Variants in ATP10A observed in about 807,000 individuals in gnomAD.
The protein encoded by ATP10A is ATPase phospholipid transporting 10A (putative).
Under a neutral mutation model 147.8 loss-of-function variants are expected in ATP10A, and 111 were observed. That is an observed-to-expected ratio of 0.75 (90% CI 0.64 to 0.88). The LOEUF is 0.88. Among genes scored for constraint, ATP10A ranks in the 40% least tolerant of loss-of-function variants. The probability of loss-of-function intolerance (pLI) is 0.00; values close to 1 mark genes in which losing one functional copy is unlikely to be tolerated. For missense variants in ATP10A, 1,927 were observed against 1,959.0 expected (o/e 0.98, Z 0.31); for synonymous variants, 875 against 841.6 (o/e 1.04, Z -0.69).
rs756744281 is a variant in ATP10A at position 25,680,248 on chromosome 15, T to C, written c.3739A>G (p.Ile1247Val). ...CACGTGGCACAAGACGCATTGTAAA[T>C]CAAAGCCACGGTGAAAAACAAAAGG... ...SVLLFFTVAL[I>V]YNASCATCYP... Residue 1247 changes from isoleucine (I) to valine (V), a missense_variant, in exon 20 of 21, where the codon ATT becomes GTT. Transcript: ENST00000555815. The C allele has an allele frequency of 4.3e-6, 7 of 1,614,004 alleles. No homozygotes were observed. In the South Asian group the frequency reaches 7.7e-5, roughly 18 times the overall value.
intron 1 of ATP10A, among the ~76,000 whole-genome samples, chr15:25,804,282 G>C (rs997914058): frequency 6.6e-6 from 1 of 150,804 alleles, no homozygotes; most frequent in African/African-American, 2.4e-5. Context: ...ATGGATGTGA[G>C]TGTGTGGTGT....
chr15:25,749,060 C>CAAAA (rs1171259548), intron 2 of ATP10A, among the ~76,000 whole-genome samples: 10 of 67,458 alleles, frequency 1.5e-4, no homozygotes, highest in African/African-American at 1.8e-4. Flanking sequence ...GAGACTCTGT[C>CAAAA]AAAAAAAAAA....
downstream of ATP10A, chr15:25,677,422 A>G (rs1476360828): frequency 1.3e-5 from 2 of 152,140 alleles, no homozygotes; most frequent in Non-Finnish European, 2.9e-5. Context: ...CCGTTTCCCA[A>G]GAGCAAGCAT....
chr15:25,713,615 G>A (rs1596736971), intron 10 of ATP10A, 59 bp downstream of exon 10: 4 of 1,501,606 alleles, frequency 2.7e-6, no homozygotes, highest in African/African-American at 1.4e-5. Flanking sequence ...ATTGGGTGGG[G>A]ATATTTCTCA....
intron 2 of ATP10A, among the ~76,000 whole-genome samples, chr15:25,759,019 C>T (rs994785294): frequency 5.9e-5 from 9 of 152,224 alleles, no homozygotes; most frequent in African/African-American, 2.2e-4. Flanking sequence ...TTAGCCTGTG[C>T]GATCTAACCC....
At position 25,863,034 on chromosome 15, in the gene ATP10A, C is replaced by A; in HGVS notation, c.63G>T (p.Glu21Asp). 7.8e-7 allele frequency: 1 copy of A among 1,277,466 alleles called. No individual in the cohort carries two copies. Among genetic ancestry groups the A allele is most frequent in the Non-Finnish European group, 9.8e-7 (1 of 1,017,178 alleles). 79.1% of individuals were successfully genotyped at this position (1,277,466 alleles called of 1,614,324 possible). The change falls in exon 1 of 21, where the codon GAG (glutamate) becomes GAT (aspartate). Residue 21 changes from glutamate (E) to aspartate (D), a missense_variant. Coordinates refer to ENST00000555815, the MANE Select transcript of ATP10A (RefSeq NM_024490.4). ...TGGAGCGCACCGTGCGCGTCCTGCCCTCTCGGCGCCTCCGCCGTCCCGGAG... is the reference window on the plus strand; with the variant it reads ...TGGAGCGCACCGTGCGCGTCCTGCCATCTCGGCGCCTCCGCCGTCCCGGAG... Reference protein sequence around the residue: ...PGPPGRRRRREGRTRTVRSNL... With the variant: ...PGPPGRRRRRDGRTRTVRSNL...
chr15:25,726,281 TTATACA>T (rs1336828918), intron 4 of ATP10A, among the ~76,000 whole-genome samples, 199 bp from the exon 5 acceptor site: 1 of 152,170 alleles, frequency 6.6e-6, no homozygotes, highest in Non-Finnish European at 1.5e-5. Flanking sequence ...GAAATTAATC[TTATACA>T]TATATAATGA....
At chr15:25,766,607 T>C (rs1462177739) in intron 2 of ATP10A, among the ~76,000 whole-genome samples, 1 of 151,180 alleles carries the variant, frequency 6.6e-6, no homozygotes, top group Non-Finnish European at 1.5e-5. Context: ...TAATTGGATC[T>C]TCCTGCTGGC....
intron 1 of ATP10A, among the ~76,000 whole-genome samples, chr15:25,816,808 A>C (rs1307682947): frequency 1.3e-5 from 2 of 152,158 alleles, no homozygotes; most frequent in African/African-American, 4.8e-5. Context: ...TCCACTTTTA[A>C]TGTATTATTC....
At chr15:25,748,032 G>C (rs1042801082) in intron 2 of ATP10A, among the ~76,000 whole-genome samples, 35 of 151,580 alleles carry the variant, frequency 2.3e-4, no homozygotes, top group African/African-American at 7.3e-4. Flanking sequence ...TGGCGATCTT[G>C]GCTCACTGCA....
intron 9 of ATP10A, among the ~76,000 whole-genome samples, chr15:25,715,209 C>T (rs1901721971): frequency 6.6e-6 from 1 of 152,184 alleles, no homozygotes; most frequent in Admixed American, 6.5e-5. Flanking sequence ...TGCATAGAGC[C>T]AGATTTTGAT....
intron 1 of ATP10A, among the ~76,000 whole-genome samples, chr15:25,800,452 C>T (rs1890884451): frequency 6.6e-6 from 1 of 152,182 alleles, no homozygotes. Flanking sequence ...AAGTGCCTCT[C>T]CTCTCCTGCC....
chr15:25,821,406 A>AC (rs11406897), intron 1 of ATP10A, among the ~76,000 whole-genome samples: 1 of 120,082 alleles, frequency 8.3e-6, no homozygotes, highest in African/African-American at 4.0e-5. Flanking sequence ...AAACAAAAAA[A>AC]AAAACAAACA....
At chr15:25,751,286 C>A (rs777894929) in intron 2 of ATP10A, among the ~76,000 whole-genome samples, 32 of 152,112 alleles carry the variant, frequency 2.1e-4, no homozygotes, top group African/African-American at 7.7e-4. Flanking sequence ...ACTGATAGAT[C>A]TGCAAAGAGA....
At chr15:25,814,163 C>G (rs1052089071) in intron 1 of ATP10A, among the ~76,000 whole-genome samples, 5 of 151,910 alleles carry the variant, frequency 3.3e-5, no homozygotes, top group African/African-American at 1.2e-4. Context: ...CTTATATATA[C>G]AGAGAAGTAA....
chr15:25,774,803 A>G, intron 2 of ATP10A, among the ~76,000 whole-genome samples: 1 of 152,336 alleles, frequency 6.6e-6, no homozygotes, highest in South Asian at 2.1e-4. Context: ...CTGAATTTCT[A>G]TGAATATCCA....
chr15:25,687,620 A>G (rs1406874766), intron 16 of ATP10A, 83 bp downstream of exon 16: 4 of 899,606 alleles, frequency 4.4e-6, no homozygotes, highest in South Asian at 8.7e-5. Flanking sequence ...CATCTGCTCC[A>G]TCCTCCTTCG....
intron 1 of ATP10A, among the ~76,000 whole-genome samples, chr15:25,802,495 AAAACC>A: frequency 6.6e-6 from 1 of 152,320 alleles, no homozygotes; most frequent in African/African-American, 2.4e-5. Context: ...CTAGTGGCTG[AAAACC>A]ACACACGTTT....
At chr15:25,751,350 C>T (rs572119230) in intron 2 of ATP10A, among the ~76,000 whole-genome samples, 59 of 152,108 alleles carry the variant, frequency 3.9e-4, no homozygotes, top group African/African-American at 1.4e-3. Context: ...ACAATAATTC[C>T]TAGAAAAAAT....
Sources: allele counts gnomAD v4.1 joint callset (sites outside exome capture counted in the v4.1 genomes callset), GRCh38; gene constraint gnomAD v4.1.1; transcripts MANE v1.5; gene names NCBI Gene and HGNC (gene_info 2026-07-23, HGNC 2026-07-21).